The following AKT3 variants were observed in gnomAD, a reference collection of about 807,000 sequenced individuals.
AKT3 encodes RAC-gamma serine/threonine-protein kinase.
AKT3 carries 15 observed loss-of-function variants against 65.3 expected under a neutral mutation model. That is an observed-to-expected ratio of 0.23 (90% CI 0.15 to 0.35). The LOEUF is 0.35. Among genes scored for constraint, AKT3 ranks in the 10% least tolerant of loss-of-function variants. The pLI is 1.00. For synonymous variants in AKT3, 206 were observed against 183.8 expected (o/e 1.12, Z -0.98); for missense variants, 243 against 576.5 (o/e 0.42, Z 5.92).
intron 13 of AKT3, among the ~76,000 whole-genome samples, chr1:243,509,377 A>G (rs1558576412): frequency 6.6e-6 from 1 of 152,166 alleles, no homozygotes; most frequent in African/African-American, 2.4e-5. Flanking sequence ...TCTCATCAGG[A>G]CAAGTGCCCC....
In AKT3 at chr1:243,664,897, A is replaced by G. The variant is rs777234497; in HGVS notation, c.173-14T>C. 79 of 1,422,784 alleles carry G rather than the reference A, an allele frequency of 5.6e-5. No homozygotes were observed. Among genetic ancestry groups the G allele is most frequent in the Non-Finnish European group, 7.4e-5 (77 of 1,043,054 alleles). The allele number at this position is 1,422,784 out of a possible 1,614,324, so 88.1% of individuals were successfully genotyped here. A position where few individuals can be genotyped will look rare whatever the true frequency, so the allele number is the denominator to read the frequency against. ...TTAACTGGCATTCTAAGAATAAAAT[A>G]AAATGTTTCTTTAAATATGGATATA... On this transcript the variant is annotated splice_polypyrimidine_tract_variant and intron_variant, in intron 3 of 13. Transcript: ENST00000673466.
At chr1:243,645,748 T>C (rs1318120586) in intron 5 of AKT3, 145 bp downstream of exon 5, 5 of 746,888 alleles carry the variant, frequency 6.7e-6, no homozygotes, top group Non-Finnish European at 1.0e-5. Flanking sequence ...CAACAACAGG[T>C]ATTTCAGATT....
chr1:243,629,728 C>A (rs1006002519), intron 6 of AKT3, among the ~76,000 whole-genome samples: 2 of 151,952 alleles, frequency 1.3e-5, no homozygotes, highest in South Asian at 4.2e-4. Flanking sequence ...GGAGGCGGGG[C>A]TTGCAGTGAG....
intron 2 of AKT3, among the ~76,000 whole-genome samples, chr1:243,727,648 A>C (rs1687293004): frequency 6.6e-6 from 1 of 152,136 alleles, no homozygotes; most frequent in Admixed American, 6.5e-5. Flanking sequence ...TGCAAAACTG[A>C]AAACCCTATT....
chr1:243,665,501 T>C (rs1682706881), intron 3 of AKT3, among the ~76,000 whole-genome samples: 1 of 152,188 alleles, frequency 6.6e-6, no homozygotes, highest in South Asian at 2.1e-4. Context: ...ACTCTAAACA[T>C]GATTAAATTC....
chr1:243,679,587 T>C (rs1304629805), intron 3 of AKT3, among the ~76,000 whole-genome samples: 1 of 152,212 alleles, frequency 6.6e-6, no homozygotes, highest in Non-Finnish European at 1.5e-5. Context: ...AAGTTATATT[T>C]AAATAATGTC....
intron 2 of AKT3, among the ~76,000 whole-genome samples, chr1:243,802,255 G>A (rs1558824579): frequency 6.6e-6 from 1 of 152,026 alleles, no homozygotes; most frequent in Non-Finnish European, 1.5e-5. Context: ...TACTGGTAAG[G>A]TAGAGTCAAA....
chr1:243,721,530 T>C (rs192998002), intron 2 of AKT3, among the ~76,000 whole-genome samples: 3 of 152,286 alleles, frequency 2.0e-5, no homozygotes, highest in Non-Finnish European at 1.5e-5. Flanking sequence ...TTGTTATGCT[T>C]TTCTCTTATT....
chr1:243,582,447 CAAAAAAAAAAAAA>C (rs59718769), intron 8 of AKT3, among the ~76,000 whole-genome samples: 20 of 101,546 alleles, frequency 2.0e-4, no homozygotes, highest in South Asian at 1.8e-3. Context: ...TTAGCTTTCT[CAAAAAAAAAAAAA>C]AAAAAAAAAA....
chr1:243,553,058 T>C, intron 10 of AKT3, 115 bp from the exon 11 acceptor site: 1 of 778,432 alleles, frequency 1.3e-6, no homozygotes, highest in Non-Finnish European at 2.0e-6. Flanking sequence ...GCCTAGGTAG[T>C]CTGAGATCTT....
At chr1:243,822,485 T>C (rs1399052829) in intron 2 of AKT3, among the ~76,000 whole-genome samples, 1 of 142,600 alleles carries the variant, frequency 7.0e-6, no homozygotes, top group Non-Finnish European at 1.5e-5. Flanking sequence ...AAAAAACTAA[T>C]CCAGGAGCTG....
At chr1:243,697,151 C>T (rs991379316) in intron 2 of AKT3, among the ~76,000 whole-genome samples, 6 of 151,872 alleles carry the variant, frequency 4.0e-5, no homozygotes, top group African/African-American at 1.4e-4. Context: ...AAATGTTTTA[C>T]TTCACTTGAA....
intron 12 of AKT3, among the ~76,000 whole-genome samples, chr1:243,518,475 T>C (rs1670505102): frequency 6.6e-6 from 1 of 151,924 alleles, no homozygotes; most frequent in Non-Finnish European, 1.5e-5. Context: ...AAATACAAAA[T>C]TTAGTTGGGT....
intron 2 of AKT3, among the ~76,000 whole-genome samples, chr1:243,722,388 A>C (rs1686964110): frequency 6.6e-6 from 1 of 152,212 alleles, no homozygotes; most frequent in Non-Finnish European, 1.5e-5. Context: ...AAATGTTAAC[A>C]TGTCTAAATA....
chr1:243,554,935 A>C (rs1359256555), intron 10 of AKT3, among the ~76,000 whole-genome samples: 3 of 152,148 alleles, frequency 2.0e-5, no homozygotes, highest in African/African-American at 7.2e-5. Flanking sequence ...AGGGAAAGTG[A>C]GTACATAAAA....
At chr1:243,602,786 A>G (rs1389893187) in intron 8 of AKT3, among the ~76,000 whole-genome samples, 2 of 152,210 alleles carry the variant, frequency 1.3e-5, no homozygotes, top group Non-Finnish European at 2.9e-5. Flanking sequence ...TGTTAGCTTC[A>G]TTACAACCTA....
At chr1:243,519,934 A>C (rs1321613773) in intron 12 of AKT3, among the ~76,000 whole-genome samples, 1 of 152,194 alleles carries the variant, frequency 6.6e-6, no homozygotes, top group Non-Finnish European at 1.5e-5. Context: ...AACTTGACGG[A>C]GCTTATGTTG....
intron 12 of AKT3, among the ~76,000 whole-genome samples, chr1:243,531,130 C>T (rs190046323): frequency 2.6e-4 from 40 of 152,256 alleles, no homozygotes; most frequent in African/African-American, 7.2e-4. Context: ...CGTTCTGTCA[C>T]CCAAGCTTGG....
intron 4 of AKT3, among the ~76,000 whole-genome samples, chr1:243,655,568 T>C (rs946716878): frequency 1.3e-5 from 2 of 152,150 alleles, no homozygotes; most frequent in East Asian, 1.9e-4. Flanking sequence ...GAAGATATAA[T>C]CTTCTGTTAG....
Sources: allele counts gnomAD v4.1 joint callset (sites outside exome capture counted in the v4.1 genomes callset), GRCh38; gene constraint gnomAD v4.1.1; transcripts MANE v1.5; gene names NCBI Gene and HGNC (gene_info 2026-07-23, HGNC 2026-07-21).